The following C4orf36 variants were observed in gnomAD, a reference collection of about 807,000 sequenced individuals.
The protein encoded by C4orf36 is uncharacterized protein C4orf36.
Under a neutral mutation model 12.2 loss-of-function variants are expected in C4orf36, and 11 were observed. The ratio of observed to expected loss-of-function variants is 0.90; its 90% CI spans 0.57 to 1.49. The LOEUF is 1.49. Ranked by LOEUF, C4orf36 falls within the 40% of genes most tolerant of loss-of-function variation. C4orf36 has a pLI of 0.00. For synonymous variants in C4orf36, 54 were observed against 51.3 expected (o/e 1.05, Z -0.22); for missense variants, 137 against 133.9 (o/e 1.02, Z -0.11).
chr4:86,919,315 C>CTTTTTTTTTTTTTTTTTTTT, the C4orf36 span, among the ~76,000 whole-genome samples: 1 of 81,352 alleles, frequency 1.2e-5, no homozygotes, highest in Non-Finnish European at 2.1e-5. Flanking sequence ...TTTTTTCCCC[C>CTTTTTTTTTTTTTTTTTTTT]TTTTTTTTTT....
At chr4:86,920,230 TA>T in the C4orf36 span, among the ~76,000 whole-genome samples, 2 of 152,206 alleles carry the variant, frequency 1.3e-5, no homozygotes, top group East Asian at 3.8e-4. Flanking sequence ...CTCTACTGTC[TA>T]TATTTCCACC....
At chr4:86,931,385 C>T in the C4orf36 span, among the ~76,000 whole-genome samples, 1 of 151,992 alleles carries the variant, frequency 6.6e-6, no homozygotes, top group Non-Finnish European at 1.5e-5. Flanking sequence ...TCTGGGTTGG[C>T]TGTTTAATTT....
At chr4:86,911,366 C>A in the C4orf36 span, among the ~76,000 whole-genome samples, 1 of 152,158 alleles carries the variant, frequency 6.6e-6, no homozygotes, top group Non-Finnish European at 1.5e-5. Context: ...TCCTACACCC[C>A]CACTCTTGGG....
At chr4:86,918,050 G>A in the C4orf36 span, among the ~76,000 whole-genome samples, 1 of 151,706 alleles carries the variant, frequency 6.6e-6, no homozygotes, top group Non-Finnish European at 1.5e-5. Context: ...CTTCTGGATA[G>A]ACAGCCTTCT....
chr4:86,931,721 T>C, the C4orf36 span, among the ~76,000 whole-genome samples: 1 of 152,170 alleles, frequency 6.6e-6, no homozygotes, highest in African/African-American at 2.4e-5. Context: ...TTTTTAATCA[T>C]AAGTATATGC....
chr4:86,903,653 G>T, the C4orf36 span, among the ~76,000 whole-genome samples: 2 of 152,112 alleles, frequency 1.3e-5, no homozygotes, highest in African/African-American at 4.8e-5. Context: ...CCATACCATC[G>T]AAGACAACCC....
At chr4:86,878,240 C>T (rs1211004427) in intron 4 of C4orf36, among the ~76,000 whole-genome samples, 3 of 152,114 alleles carry the variant, frequency 2.0e-5, no homozygotes, top group African/African-American at 7.2e-5. Flanking sequence ...GAGGCGCATG[C>T]TCTCCCCTTC....
At chr4:86,882,937 C>G (rs28502831) in intron 4 of C4orf36, among the ~76,000 whole-genome samples, 9,387 of 152,266 alleles carry the variant, frequency 0.062, 431 homozygotes, top group Non-Finnish European at 0.087. Context: ...CACCTTCAGT[C>G]CACTTCAGAG....
the C4orf36 span, among the ~76,000 whole-genome samples, chr4:86,900,985 CT>C: frequency 3.9e-3 from 532 of 138,022 alleles, no homozygotes; most frequent in Non-Finnish European, 4.1e-3. Flanking sequence ...GCAGTGGTTC[CT>C]TTTTTTTTTT....
Position 86,892,402 on chromosome 4 carries a change from C to T in C4orf36, c.-293G>A. ...GCCGCAGGCACACGCCTCCTTCCCGCTCGCCGCGGGCGCCGAGTCTGGGGC... is the reference window on the plus strand; with the variant it reads ...GCCGCAGGCACACGCCTCCTTCCCGTTCGCCGCGGGCGCCGAGTCTGGGGC... On this transcript the variant is annotated 5_prime_UTR_variant, in exon 1 of 5. Coordinates refer to ENST00000295898, the MANE Select transcript of C4orf36 (RefSeq NM_144645.4). 1.0e-6 allele frequency: 1 copy of T among 985,590 alleles called. No homozygotes were observed. The highest frequency in any genetic ancestry group is 1.2e-6 in the Non-Finnish European group (1 of 830,072). 61.1% of individuals were successfully genotyped at this position (985,590 alleles called of 1,614,324 possible).
At chr4:86,921,411 A>G in the C4orf36 span, among the ~76,000 whole-genome samples, 4 of 152,176 alleles carry the variant, frequency 2.6e-5, no homozygotes, top group Non-Finnish European at 4.4e-5. Context: ...AATATCAACC[A>G]TGGTCTCGTC....
At chr4:86,877,447 T>C (rs891643106) in intron 4 of C4orf36, among the ~76,000 whole-genome samples, 2 of 152,146 alleles carry the variant, frequency 1.3e-5, no homozygotes, top group Non-Finnish European at 2.9e-5. Flanking sequence ...CCAAGAAACT[T>C]TGGGAATGTT....
At chr4:86,931,204 C>A in the C4orf36 span, among the ~76,000 whole-genome samples, 1 of 152,122 alleles carries the variant, frequency 6.6e-6, no homozygotes, top group Non-Finnish European at 1.5e-5. Flanking sequence ...TCACTGCCCC[C>A]CTCATAATCT....
At chr4:86,910,808 G>T in the C4orf36 span, among the ~76,000 whole-genome samples, 4 of 152,278 alleles carry the variant, frequency 2.6e-5, no homozygotes, top group East Asian at 7.7e-4. Context: ...GCTCATGTCT[G>T]TAATCCCAGC....
the C4orf36 span, chr4:86,914,863 C>T: frequency 3.0e-5 from 12 of 405,734 alleles, no homozygotes; most frequent in East Asian, 1.9e-4. Flanking sequence ...CGGGGGAGTC[C>T]GGACGGGCTT....
the C4orf36 span, among the ~76,000 whole-genome samples, chr4:86,909,801 TAA>T: frequency 1.4e-5 from 2 of 142,862 alleles, no homozygotes; most frequent in Non-Finnish European, 3.0e-5. Flanking sequence ...AGCCACATGA[TAA>T]AGTCACAAGC....
At chr4:86,924,206 G>T in the C4orf36 span, among the ~76,000 whole-genome samples, 1 of 151,974 alleles carries the variant, frequency 6.6e-6, no homozygotes, top group African/African-American at 2.4e-5. Flanking sequence ...ACATGTGGTT[G>T]TTTCTTTTTT....
chr4:86,927,799 C>CA, the C4orf36 span, among the ~76,000 whole-genome samples: 70 of 145,292 alleles, frequency 4.8e-4, no homozygotes, highest in South Asian at 5.2e-3. Flanking sequence ...GGCTCCATTT[C>CA]AAAAAAAAAA....
At chr4:86,900,557 G>C in the C4orf36 span, among the ~76,000 whole-genome samples, 6 of 152,138 alleles carry the variant, frequency 3.9e-5, no homozygotes, top group African/African-American at 1.4e-4. Flanking sequence ...AAATGCAAGA[G>C]CAAAGACCAT....
Sources: allele counts gnomAD v4.1 joint callset (sites outside exome capture counted in the v4.1 genomes callset), GRCh38; gene constraint gnomAD v4.1.1; transcripts MANE v1.5; gene names NCBI Gene and HGNC (gene_info 2026-07-23, HGNC 2026-07-21).